Variants in PTPRO observed in about 807,000 individuals in gnomAD.
PTPRO encodes protein tyrosine phosphatase receptor type O.
A neutral mutation model predicts 145.2 loss-of-function variants in PTPRO; 62 were observed. The observed-to-expected ratio is 0.43, with a 90% CI of 0.35 to 0.53. The LOEUF (loss-of-function observed/expected upper bound fraction) is 0.53, where lower values mean the gene tolerates loss of function less well. Ranked by LOEUF, PTPRO falls within the 20% of genes least tolerant of loss-of-function variation. The pLI is 0.01. For missense variants in PTPRO, 1,345 were observed against 1,482.7 expected (o/e 0.91, Z 1.53); for synonymous variants, 565 against 514.7 (o/e 1.10, Z -1.32).
intron 1 of PTPRO, among the ~76,000 whole-genome samples, chr12:15,345,632 G>C (rs1227099928): frequency 1.3e-5 from 2 of 152,050 alleles, no homozygotes; most frequent in Non-Finnish European, 2.9e-5. Flanking sequence ...AGCATTAGGA[G>C]AAATACCTAA....
intron 1 of PTPRO, among the ~76,000 whole-genome samples, chr12:15,403,132 T>C (rs144028937): frequency 3.9e-5 from 6 of 152,322 alleles, no homozygotes; most frequent in African/African-American, 1.2e-4. Flanking sequence ...CTTACTATGA[T>C]ATATAAGTCC....
chr12:15,440,613 C>A (rs1200809406), intron 1 of PTPRO, among the ~76,000 whole-genome samples: 2 of 152,130 alleles, frequency 1.3e-5, no homozygotes, highest in Non-Finnish European at 2.9e-5. Context: ...CTAATCCCAG[C>A]ACTTTGGGAG....
intron 1 of PTPRO, among the ~76,000 whole-genome samples, chr12:15,481,243 G>C (rs564752734): frequency 6.6e-6 from 1 of 152,254 alleles, no homozygotes; most frequent in Non-Finnish European, 1.5e-5. Flanking sequence ...TTTTGTGTTT[G>C]ATCCCAGAAG....
At chr12:15,444,954 T>A (rs1161254425) in intron 1 of PTPRO, among the ~76,000 whole-genome samples, 1 of 152,168 alleles carries the variant, frequency 6.6e-6, no homozygotes, top group Non-Finnish European at 1.5e-5. Flanking sequence ...AAATTAGGAC[T>A]TTTTGTCTCT....
At chr12:15,504,783 C>G (rs138728989) in intron 6 of PTPRO, among the ~76,000 whole-genome samples, 1 of 152,188 alleles carries the variant, frequency 6.6e-6, no homozygotes, top group Non-Finnish European at 1.5e-5. Context: ...ATAAAAATTG[C>G]TTTCAGAAAA....
intron 12 of PTPRO, among the ~76,000 whole-genome samples, chr12:15,538,452 T>A (rs1477297284): frequency 1.3e-5 from 2 of 152,180 alleles, no homozygotes; most frequent in East Asian, 3.9e-4. Context: ...CCCGAACTCC[T>A]GACCTCTTGA....
intron 19 of PTPRO, among the ~76,000 whole-genome samples, chr12:15,575,025 C>A (rs1168616691): frequency 1.3e-5 from 2 of 152,088 alleles, no homozygotes; most frequent in Non-Finnish European, 2.9e-5. Context: ...AGATGGAGCC[C>A]TTGCTAAGTA....
intron 1 of PTPRO, chr12:15,410,747 T>C (rs1467782527): frequency 6.6e-6 from 1 of 152,190 alleles, no homozygotes; most frequent in Non-Finnish European, 1.5e-5. Context: ...AAATTTGAGA[T>C]TGAAATTTAA....
intron 12 of PTPRO, among the ~76,000 whole-genome samples, chr12:15,533,497 A>G (rs1027302948): frequency 2.6e-5 from 4 of 152,206 alleles, no homozygotes; most frequent in African/African-American, 9.6e-5. Context: ...CTGAACACCT[A>G]TAACTGCTTA....
rs199717843 is a variant in PTPRO, at chr12:15,493,032, GTTA to G, written c.350-4208_350-4206del. Among the ~76,000 whole-genome samples the G allele has an allele frequency of 6.1e-3, 930 of 152,176 alleles. 10 individuals carry two copies. Among genetic ancestry groups the G allele is most frequent in the African/African-American group, 0.021 (862 of 41,528 alleles). On this transcript the variant is annotated intron_variant, in intron 2 of 26. Coordinates refer to ENST00000281171, the MANE Select transcript of PTPRO (RefSeq NM_030667.3). ...CCTAAATATATAATGCTATATTATT[GTTA>G]TTATATATCATCAGATTACTAAGGC... is the stretch of plus-strand genomic sequence containing the variant.
chr12:15,580,341 G>A (rs1175436354), intron 21 of PTPRO, among the ~76,000 whole-genome samples: 13 of 152,222 alleles, frequency 8.5e-5, no homozygotes, highest in Admixed American at 8.5e-4. Flanking sequence ...AGGGAAAGTA[G>A]AAAGGTTAAA....
chr12:15,501,650 G>T lies in PTPRO; in HGVS notation c.692G>T (p.Arg231Leu). ...TATCCACCTCAAAATATTTCCGTTC[G>T]TATCGTAAACTTGAACAAAAACAAC... The part of the protein sequence containing the change: ...APYPPQNISV[R>L]IVNLNKNNWE... The change falls in exon 5 of 27, where the codon CGT (arginine) becomes CTT (leucine). Residue 231 changes from arginine to leucine, a missense_variant. Physicochemically the swap from Arg to Leu is moderately radical, Grantham distance 102. This residue lies in a region of PTPRO where 1,130 missense variants were observed against 1,214.7 expected (regional missense o/e 0.93). Transcript: ENST00000281171. The T allele has an allele frequency of 6.2e-7, 1 of 1,613,760 alleles. No individual in the cohort carries two copies. Among genetic ancestry groups the T allele is most frequent in the Non-Finnish European group, 8.5e-7 (1 of 1,179,840 alleles).
chr12:15,416,296 G>A (rs556595198), intron 1 of PTPRO, among the ~76,000 whole-genome samples: 1 of 149,664 alleles, frequency 6.7e-6, no homozygotes, highest in East Asian at 2.0e-4. Context: ...ACTAAATCTT[G>A]GTTCCTCTTT....
intron 12 of PTPRO, among the ~76,000 whole-genome samples, chr12:15,543,909 C>G (rs1360771021): frequency 6.6e-6 from 1 of 152,138 alleles, no homozygotes; most frequent in Non-Finnish European, 1.5e-5. Flanking sequence ...AGTGAGAAGA[C>G]TGTCTTTCCC....
intron 1 of PTPRO, among the ~76,000 whole-genome samples, chr12:15,390,144 C>T (rs1054956484): frequency 1.3e-5 from 2 of 152,044 alleles, no homozygotes; most frequent in South Asian, 2.1e-4. Flanking sequence ...GAACTAATAG[C>T]TTAGGGACAA....
chr12:15,501,453 T>C (rs995497900), intron 4 of PTPRO, among the ~76,000 whole-genome samples, 167 bp from the exon 5 acceptor site: 1 of 152,150 alleles, frequency 6.6e-6, no homozygotes, highest in South Asian at 2.1e-4. Flanking sequence ...GAAGTATGTA[T>C]ATGGAAAAAA....
intron 1 of PTPRO, among the ~76,000 whole-genome samples, chr12:15,424,370 A>T (rs1940226866): frequency 6.6e-6 from 1 of 152,144 alleles, no homozygotes; most frequent in Non-Finnish European, 1.5e-5. Context: ...TTAGGTAGGA[A>T]TGGATCTATT....
At chr12:15,407,750 A>G (rs1488891311) in intron 1 of PTPRO, among the ~76,000 whole-genome samples, 2 of 152,234 alleles carry the variant, frequency 1.3e-5, no homozygotes, top group South Asian at 4.1e-4. Context: ...AAAGAAGGGG[A>G]AAATGAAAAC....
intron 12 of PTPRO, among the ~76,000 whole-genome samples, chr12:15,534,630 A>G (rs1290071885): frequency 6.6e-6 from 1 of 152,194 alleles, no homozygotes; most frequent in South Asian, 2.1e-4. Flanking sequence ...GAATAACAAG[A>G]AGAACCAGCC....
Sources: allele counts gnomAD v4.1 joint callset (sites outside exome capture counted in the v4.1 genomes callset), GRCh38; gene constraint gnomAD v4.1.1; regional missense constraint gnomAD v4.1.1; transcripts MANE v1.5; gene names NCBI Gene and HGNC (gene_info 2026-07-23, HGNC 2026-07-21).